DNHD1: variants seen among roughly 807,000 people sequenced by gnomAD.
DNHD1 encodes dynein heavy chain domain-containing protein 1.
A neutral mutation model predicts 458.1 loss-of-function variants in DNHD1; 383 were observed. The ratio of observed to expected loss-of-function variants is 0.84; its 90% CI spans 0.77 to 0.91. The LOEUF is 0.91. DNHD1 is among the 40% of genes least tolerant of loss of function. DNHD1 has a pLI of 0.00. For synonymous variants in DNHD1, 2,203 were observed against 2,376.9 expected (o/e 0.93, Z 2.13); for missense variants, 5,336 against 5,866.1 (o/e 0.91, Z 2.95).
chr11:6,553,212 A>G (rs1853398913), intron 24 of DNHD1, among the ~76,000 whole-genome samples: 1 of 152,248 alleles, frequency 6.6e-6, no homozygotes, highest in South Asian at 2.1e-4. Flanking sequence ...AAACATTGAA[A>G]AATCAATCAG....
rs1300884776 is a variant in DNHD1 at position 6,505,290 on chromosome 11, A to G, written c.920+2364A>G. Among the ~76,000 whole-genome samples the G allele has an allele frequency of 6.6e-6, 1 of 151,882 alleles. No homozygotes were observed. The highest frequency in any genetic ancestry group is 1.5e-5 in the Non-Finnish European group (1 of 67,956). ...AAGATGGAGTCTCACTCTGTTGCCT[A>G]GGCTGGAGTGCCATGGCGATCTTGG... On this transcript the variant is annotated intron_variant, in intron 4 of 42. Coordinates refer to ENST00000254579, the MANE Select transcript of DNHD1 (RefSeq NM_144666.3). This position sits in a 1 kb window ranked among gnomAD's most constrained non-coding sequence, Gnocchi z 4.4.
chr11:6,569,977 G>A (rs775099090), intron 39 of DNHD1, 32 bp from the exon 40 acceptor site: 3 of 1,593,004 alleles, frequency 1.9e-6, no homozygotes, highest in Non-Finnish European at 2.6e-6. Flanking sequence ...TAGATGATAT[G>A]TGAAACCCTG....
In DNHD1 at chr11:6,538,799, G is replaced by A; in HGVS notation, c.3314G>A (p.Cys1105Tyr). 2.6e-6 allele frequency: 4 copies of A among 1,511,462 alleles called. No homozygotes were observed. Among genetic ancestry groups the A allele is most frequent in the South Asian group, 1.3e-5 (1 of 78,248 alleles). The allele number at this position is 1,511,462 out of a possible 1,614,324, so 93.6% of individuals were successfully genotyped here. Residue 1105 changes from cysteine to tyrosine, a missense_variant, in exon 16 of 43, where the codon TGT becomes TAT. Cys to Tyr is a radical substitution (Grantham distance 194). Transcript: ENST00000254579. ...CACCCACAGAGCCTCAACTGCCAGTGTCTCCTGCGTGGTATGTTTGGTTAA... is the reference window on the plus strand; with the variant it reads ...CACCCACAGAGCCTCAACTGCCAGTATCTCCTGCGTGGTATGTTTGGTTAA... ...SLHPQSLNCQ[C>Y]LLRALGLGSL... is the part of the protein sequence containing the mutation.
chr11:6,519,520 C>T (rs555462492), intron 7 of DNHD1, 80 bp from the exon 8 acceptor site: 101 of 1,531,656 alleles, frequency 6.6e-5, no homozygotes, highest in Non-Finnish European at 8.8e-5. Context: ...ACTCCAAGAC[C>T]TGAGAGTTTG....
At chr11:6,502,541 A>C (rs957138033) in intron 3 of DNHD1, among the ~76,000 whole-genome samples, 4 of 152,160 alleles carry the variant, frequency 2.6e-5, no homozygotes, top group Non-Finnish European at 5.9e-5. Context: ...TTGTGTCAAT[A>C]TTGTTGCCTA....
intron 24 of DNHD1, among the ~76,000 whole-genome samples, chr11:6,549,306 T>A (rs1589887560): frequency 6.6e-6 from 1 of 152,230 alleles, no homozygotes; most frequent in East Asian, 1.9e-4. Flanking sequence ...CAGCCAGTCA[T>A]GTAAGCCAGA....
rs760892171 is a variant in DNHD1 at position 6,519,679 on chromosome 11, G to A, written c.1472G>A (p.Gly491Asp). ...QNCDRIRTGQ[G>D]SIYLQRVQHK... ...TGTGACAGGATCAGGACAGGCCAAG[G>A]CTCCATATACCTTCAGAGGGTACAG... is the stretch of plus-strand genomic sequence containing the variant. Residue 491 changes from glycine (G) to aspartate (D), a missense_variant, in exon 8 of 43, where the codon GGC becomes GAC. Physicochemically the swap from Gly to Asp is moderately conservative, Grantham distance 94 (BLOSUM62 -1). Transcript: ENST00000254579. 29 of 1,614,056 alleles carry A rather than the reference G, an allele frequency of 1.8e-5. No individual in the cohort carries two copies. Among genetic ancestry groups the A allele is most frequent in the Non-Finnish European group, 2.4e-5 (28 of 1,180,034 alleles).
intron 9 of DNHD1, 28 bp from the exon 10 acceptor site, chr11:6,520,210 T>G (rs1565000414): frequency 6.4e-7 from 1 of 1,572,752 alleles, no homozygotes; most frequent in Non-Finnish European, 8.6e-7. Flanking sequence ...TTCCCATTTC[T>G]GCCCCTTCTC....
chr11:6,557,597 A>G lies in DNHD1; in HGVS notation c.8302A>G (p.Ile2768Val). The G allele has an allele frequency of 1.9e-6, 3 of 1,551,786 alleles. No individual in the cohort carries two copies. Among genetic ancestry groups the G allele is most frequent in the Non-Finnish European group, 2.6e-6 (3 of 1,147,002 alleles). Residue 2768 changes from isoleucine to valine, a missense_variant, in exon 25 of 43, where the codon ATA becomes GTA. Ile to Val is a conservative substitution (Grantham distance 29, BLOSUM62 3). Transcript: ENST00000254579. The stretch of plus-strand genomic sequence containing the variant: ...GATGAAGGAAAGCATAAGTCACAAG[A>G]TAAGGCAAGAGAAAGGCACAAGGGC... ...RGMKESISHK[I>V]RQEKGTRASN...
chr11:6,517,295 G>T (rs537072565), intron 7 of DNHD1, among the ~76,000 whole-genome samples: 1 of 152,244 alleles, frequency 6.6e-6, no homozygotes, highest in Non-Finnish European at 1.5e-5. Context: ...CCCAGAACTT[G>T]TTCATCTTAT....
chr11:6,543,558 G>T (rs1853143095), intron 18 of DNHD1, among the ~76,000 whole-genome samples: 1 of 152,152 alleles, frequency 6.6e-6, no homozygotes. Flanking sequence ...AAATTAGCTG[G>T]CCTGGAGTCT....
intron 19 of DNHD1, 97 bp from the exon 20 acceptor site, chr11:6,544,477 T>C: frequency 8.9e-7 from 1 of 1,121,280 alleles, no homozygotes; most frequent in South Asian, 1.5e-5. Context: ...TTGCTTGGGC[T>C]GGTGGGGTAC....
chr11:6,509,296 C>T, intron 6 of DNHD1, 24 bp downstream of exon 6: 1 of 1,570,486 alleles, frequency 6.4e-7, no homozygotes, highest in Non-Finnish European at 8.7e-7. Flanking sequence ...AACACAACTT[C>T]ATTGAGTTTT....
rs1228678857 is a variant in DNHD1 at position 6,517,753 on chromosome 11, C to T, written c.1393-1847C>T. On this transcript the variant is annotated intron_variant, in intron 7 of 42. Coordinates refer to ENST00000254579, the MANE Select transcript of DNHD1 (RefSeq NM_144666.3). Reference sequence around the variant, plus strand: ...CTAATCACCTCCCCAAAGACTCCACCTCATAATACCGTCACCTTATGGGTT... The same window carrying T: ...CTAATCACCTCCCCAAAGACTCCACTTCATAATACCGTCACCTTATGGGTT... Among the ~76,000 whole-genome samples the T allele has an allele frequency of 9.1e-5, 13 of 142,510 alleles. No homozygotes were observed. The Admixed American group carries it at 9.5e-4, about 10-fold the overall frequency. The allele number at this position is 142,510 out of a possible 152,430, so 93.5% of individuals were successfully genotyped here.
intron 29 of DNHD1, 22 bp from the exon 30 acceptor site, chr11:6,563,360 G>A: frequency 6.4e-7 from 1 of 1,550,952 alleles, no homozygotes; most frequent in Non-Finnish European, 8.7e-7. Context: ...GCTCACTTCA[G>A]AGGGTATCTC....
intron 10 of DNHD1, among the ~76,000 whole-genome samples, chr11:6,521,820 G>T (rs1852610717): frequency 6.6e-6 from 1 of 152,188 alleles, no homozygotes; most frequent in South Asian, 2.1e-4. Flanking sequence ...GGGCTCAAGT[G>T]ATCTTTTCGC....
chr11:6,548,808 A>C lies in DNHD1; in HGVS notation c.7262A>C (p.His2421Pro), dbSNP rs1589887286. The change falls in exon 24 of 43, where the codon CAC becomes CCC. Residue 2421 changes from histidine to proline, a missense_variant. By Grantham distance (77) the His-to-Pro change is moderately conservative (BLOSUM62 -2). Around this residue, in one of 4 missense-constraint regions of DNHD1, gnomAD observed 3,932 missense variants for 4,365.6 expected, o/e 0.90. Transcript: ENST00000254579. The surrounding 1 kb of genome is among the most constrained non-coding windows in gnomAD (Gnocchi z 4.4). ...ATCCACCCTGCCTTCAGTTCCTCCCACCTCCGTCTCCTGCTGAGCAGAGGA... is the reference window on the plus strand; with the variant it reads ...ATCCACCCTGCCTTCAGTTCCTCCCCCCTCCGTCTCCTGCTGAGCAGAGGA... ...SPIHPAFSSSHLRLLLSRGIQ... is the reference protein window; with the variant it reads ...SPIHPAFSSSPLRLLLSRGIQ... 6.4e-7 allele frequency: 1 copy of C among 1,551,400 alleles called. No individual in the cohort carries two copies. Among genetic ancestry groups the C allele is most frequent in the Non-Finnish European group, 8.7e-7 (1 of 1,146,928 alleles).
In DNHD1 at chr11:6,519,903, G is replaced by A. The variant is rs779821997; in HGVS notation, c.1647+49G>A. Reference sequence around the variant, plus strand: ...GGAGGTGGCAGGCAGTCCAGGGCCAGATGCTGAGGAATGTATACTGACATC... The same window carrying A: ...GGAGGTGGCAGGCAGTCCAGGGCCAAATGCTGAGGAATGTATACTGACATC... On this transcript the variant is annotated intron_variant, in intron 8 of 42. Transcript: ENST00000254579. 1.3e-5 allele frequency: 21 copies of A among 1,612,920 alleles called. No individual in the cohort carries two copies. The Admixed American group carries it at 3.5e-4, about 27-fold the overall frequency.
chr11:6,505,591 C>A lies in DNHD1; in HGVS notation c.920+2665C>A, dbSNP rs1353877439. 6.6e-5 allele frequency among the ~76,000 whole-genome samples: 10 copies of A among 152,122 alleles called. No homozygotes were observed. The highest frequency in any genetic ancestry group is 1.3e-4 in the Non-Finnish European group (9 of 68,022). ...AAAAACACATTCTCTTTATTAAATT[C>A]ACTTTGTTGAAATGCCTAGTATGGT... On this transcript the variant is annotated intron_variant, in intron 4 of 42. Transcript: ENST00000254579. The surrounding 1 kb of genome is among the most constrained non-coding windows in gnomAD (Gnocchi z 4.4).
Sources: allele counts gnomAD v4.1 joint callset (sites outside exome capture counted in the v4.1 genomes callset), GRCh38; gene constraint gnomAD v4.1.1; regional missense constraint gnomAD v4.1.1; non-coding constraint Gnocchi (gnomAD v3.1); transcripts MANE v1.5; gene names NCBI Gene and HGNC (gene_info 2026-07-23, HGNC 2026-07-21).